The following NELL1 variants were observed in gnomAD, a reference collection of about 807,000 sequenced individuals.
The protein encoded by NELL1 is neural EGFL like 1, also known as protein kinase C-binding protein NELL1.
In NELL1, 76 loss-of-function variants were observed where a neutral mutation model predicts 107.4. The observed-to-expected ratio is 0.71, with a 90% confidence interval of 0.59 to 0.86. The LOEUF (loss-of-function observed/expected upper bound fraction) is 0.86. Ranked by LOEUF, NELL1 falls within the 40% of genes least tolerant of loss-of-function variation. The pLI, the probability that NELL1 is intolerant of heterozygous loss-of-function variation, is 0.00. For missense variants in NELL1, 1,024 were observed against 1,005.5 expected (o/e 1.02, Z -0.25); for synonymous variants, 353 against 341.2 (o/e 1.03, Z -0.38).
In NELL1 at chr11:21,181,854, C is replaced by G. The variant is rs992741617; in HGVS notation, c.1427-47478C>G. ...TTTTCTACTAGTGTACTGAAGAAGA[C>G]ATGCTGGCTTCTGAGTATATGTGGT... On this transcript the variant is annotated intron_variant, in intron 13 of 19. Transcript: ENST00000357134. Among the ~76,000 whole-genome samples, 26 of 151,956 alleles carry G rather than the reference C, an allele frequency of 1.7e-4. 2 individuals are homozygous for G. Among genetic ancestry groups the G allele is most frequent in the African/African-American group, 6.1e-4 (25 of 41,248 alleles).
chr11:20,853,011 C>G (rs1275007341), intron 4 of NELL1, among the ~76,000 whole-genome samples: 1 of 152,174 alleles, frequency 6.6e-6, no homozygotes, highest in Non-Finnish European at 1.5e-5. Flanking sequence ...GGAGTAACCT[C>G]TCAATTTCTT....
chr11:21,117,840 G>A (rs1855273931), intron 13 of NELL1, among the ~76,000 whole-genome samples: 1 of 151,938 alleles, frequency 6.6e-6, no homozygotes, highest in African/African-American at 2.4e-5. Context: ...TGACCAGGAA[G>A]TGACACAAAT....
chr11:21,044,092 A>G (rs566874869), intron 12 of NELL1, among the ~76,000 whole-genome samples: 41 of 152,290 alleles, frequency 2.7e-4, no homozygotes, highest in South Asian at 6.2e-4. Flanking sequence ...GATAGGGCTC[A>G]GATCAAATCC....
At chr11:21,150,335 G>T (rs539007887) in intron 13 of NELL1, among the ~76,000 whole-genome samples, 3 of 152,328 alleles carry the variant, frequency 2.0e-5, no homozygotes, top group East Asian at 1.9e-4. Flanking sequence ...AGACTGGCAG[G>T]GGGGCAGAGG....
intron 12 of NELL1, among the ~76,000 whole-genome samples, chr11:20,976,874 T>A (rs945163905): frequency 2.0e-5 from 3 of 152,198 alleles, no homozygotes; most frequent in Admixed American, 1.3e-4. Flanking sequence ...TAGTGAGTTA[T>A]GAAAGTTTGT....
chr11:21,171,461 C>A (rs1030498746), intron 13 of NELL1, among the ~76,000 whole-genome samples: 3 of 151,798 alleles, frequency 2.0e-5, no homozygotes, highest in Admixed American at 1.3e-4. Context: ...CTGTGATAGA[C>A]CCTTTTGTAA....
intron 11 of NELL1, among the ~76,000 whole-genome samples, chr11:20,957,092 T>G (rs145718283): frequency 6.6e-6 from 1 of 152,120 alleles, no homozygotes; most frequent in Non-Finnish European, 1.5e-5. Context: ...ATTTCGAGTC[T>G]CTGGTGGTTT....
chr11:20,881,853 C>T (rs1590376272), intron 4 of NELL1, among the ~76,000 whole-genome samples: 1 of 152,110 alleles, frequency 6.6e-6, no homozygotes, highest in Non-Finnish European at 1.5e-5. Flanking sequence ...TGTATGTATC[C>T]CCATAGCCAG....
chr11:21,444,346 G>A (rs1296981122), intron 15 of NELL1, among the ~76,000 whole-genome samples: 1 of 151,922 alleles, frequency 6.6e-6, no homozygotes, highest in Non-Finnish European at 1.5e-5. Context: ...CTATTCTCAG[G>A]TACAATTTCT....
chr11:20,682,381 A>G (rs898963478), intron 2 of NELL1, among the ~76,000 whole-genome samples: 3 of 152,000 alleles, frequency 2.0e-5, no homozygotes, highest in Admixed American at 1.3e-4. Context: ...TATTAATAAG[A>G]TATTTTACTT....
intron 3 of NELL1, among the ~76,000 whole-genome samples, chr11:20,795,023 C>T (rs756151936): frequency 6.6e-6 from 1 of 152,218 alleles, no homozygotes; most frequent in African/African-American, 2.4e-5. Flanking sequence ...TTTCCAATCT[C>T]TGCTAGGCTT....
At chr11:20,710,050 T>C (rs904228334) in intron 2 of NELL1, among the ~76,000 whole-genome samples, 3 of 152,150 alleles carry the variant, frequency 2.0e-5, no homozygotes, top group East Asian at 1.9e-4. Flanking sequence ...TTTCTTTCTC[T>C]TGTCTGATTG....
At chr11:21,070,254 C>T (rs912104993) in intron 12 of NELL1, among the ~76,000 whole-genome samples, 19 of 152,098 alleles carry the variant, frequency 1.2e-4, no homozygotes, top group African/African-American at 4.6e-4. Context: ...CTATACATAT[C>T]TTGTCTCCTT....
intron 12 of NELL1, among the ~76,000 whole-genome samples, chr11:21,072,599 C>A (rs1174613295): frequency 6.6e-6 from 1 of 152,028 alleles, no homozygotes. Context: ...ACATGACAGA[C>A]TAAAGATAGG....
At chr11:21,504,460 C>A (rs905496492) in intron 15 of NELL1, among the ~76,000 whole-genome samples, 1 of 152,072 alleles carries the variant, frequency 6.6e-6, no homozygotes, top group African/African-American at 2.4e-5. Flanking sequence ...TCTATTTACT[C>A]CCCTCTACTC....
intron 2 of NELL1, among the ~76,000 whole-genome samples, chr11:20,756,270 C>T (rs1416672088): frequency 6.6e-6 from 1 of 152,100 alleles, no homozygotes; most frequent in Non-Finnish European, 1.5e-5. Flanking sequence ...GACATAATGT[C>T]CAGATCATGG....
intron 13 of NELL1, among the ~76,000 whole-genome samples, chr11:21,204,362 T>G (rs922567033): frequency 7.9e-5 from 12 of 152,074 alleles, no homozygotes; most frequent in African/African-American, 2.9e-4. Context: ...ATTAAGTTGA[T>G]CTTCAATCTC....
intron 13 of NELL1, among the ~76,000 whole-genome samples, chr11:21,170,744 G>T (rs1381015892): frequency 4.0e-5 from 6 of 149,608 alleles, no homozygotes; most frequent in Non-Finnish European, 7.4e-5. Context: ...TAAAGTATAT[G>T]TACAATTGTT....
rs546614371 is a variant in NELL1, at chr11:21,331,426, G to A, written c.1550-39427G>A. Among the ~76,000 whole-genome samples the A allele has an allele frequency of 1.8e-4, 27 of 152,004 alleles. No homozygotes were observed. In the East Asian group the frequency reaches 5.0e-3, roughly 28 times the overall value. Reference sequence around the variant, plus strand: ...TGGCTGAATAAATTTAGTGACACTGGCAGTGTAAAGCAGTGTAAAGCCTCT... The same window carrying A: ...TGGCTGAATAAATTTAGTGACACTGACAGTGTAAAGCAGTGTAAAGCCTCT... On this transcript the variant is annotated intron_variant, in intron 14 of 19. Transcript: ENST00000357134.
Sources: allele counts gnomAD v4.1 joint callset (sites outside exome capture counted in the v4.1 genomes callset), GRCh38; gene constraint gnomAD v4.1.1; transcripts MANE v1.5; gene names NCBI Gene and HGNC (gene_info 2026-07-23, HGNC 2026-07-21).